The following C1QTNF9 variants were observed in gnomAD, a reference collection of about 807,000 sequenced individuals.
C1QTNF9 encodes the protein C1q and TNF related 9.
A neutral mutation model predicts 10.1 loss-of-function variants in C1QTNF9; 6 were observed. The ratio of observed to expected loss-of-function variants is 0.59; its 90% CI spans 0.32 to 1.17. The LOEUF (loss-of-function observed/expected upper bound fraction) is 1.17. C1QTNF9 is among the 50% of genes most tolerant of loss of function. C1QTNF9 has a pLI of 0.04. For missense variants in C1QTNF9, 201 were observed against 418.8 expected, an observed-to-expected ratio of 0.48 and a Z score of 4.54; for synonymous variants, 98 against 163.5, an observed-to-expected ratio of 0.60 and a Z score of 3.06.
At chr13:24,315,749 T>C in intron 1 of C1QTNF9, 1 of 529,676 alleles carries the variant, frequency 1.9e-6, no homozygotes, top group Non-Finnish European at 3.3e-6. Flanking sequence ...GCTTTTTAAA[T>C]TGCCCGTTCA....
chr13:24,310,641 C>T (rs1034447672), intron 1 of C1QTNF9, among the ~76,000 whole-genome samples: 29 of 151,558 alleles, frequency 1.9e-4, no homozygotes, highest in African/African-American at 5.8e-4. Flanking sequence ...AGGCTGGGCG[C>T]GGTGGCTCAC....
exon 4 of C1QTNF9, chr13:24,321,524 A>G (rs745832521): frequency 1.4e-5 from 22 of 1,612,854 alleles, no homozygotes; most frequent in South Asian, 2.2e-5. Flanking sequence ...TACTTCACCT[A>G]CCACATCACT....
upstream of C1QTNF9, among the ~76,000 whole-genome samples, chr13:24,308,011 C>T (rs1490218203): frequency 6.6e-6 from 1 of 152,224 alleles, no homozygotes; most frequent in Non-Finnish European, 1.5e-5. Context: ...GGAGGAAGAA[C>T]CCACGGAGTG....
At position 24,310,729 on chromosome 13, in the gene C1QTNF9, A is replaced by C. The variant is rs1477183703; in HGVS notation, c.-23+1113A>C. On this transcript the variant is annotated intron_variant, in intron 1 of 3. Transcript: ENST00000332018. ...GAGATCAAGACCATCCTGGCTAACA[A>C]GGTGAAACCCCGTCTCTACTAAAAA... Among the ~76,000 whole-genome samples the C allele has an allele frequency of 3.3e-5, 5 of 151,198 alleles. No homozygotes were observed. The South Asian group carries it at 8.4e-4, about 25-fold the overall frequency.
intron 2 of C1QTNF9, among the ~76,000 whole-genome samples, 195 bp from the exon 3 acceptor site, chr13:24,318,623 A>G (rs1440939629): frequency 1.3e-5 from 2 of 152,154 alleles, no homozygotes; most frequent in Non-Finnish European, 2.9e-5. Flanking sequence ...TAGGTCACTT[A>G]TCCCACGCAG....
intron 1 of C1QTNF9, among the ~76,000 whole-genome samples, chr13:24,314,378 GAAA>G (rs758750643): frequency 1.6e-5 from 2 of 122,012 alleles, no homozygotes; most frequent in Admixed American, 8.4e-5. Flanking sequence ...TCTCTCCAAA[GAAA>G]AAAAAAAAAA....
At chr13:24,310,653 C>A (rs1024726394) in intron 1 of C1QTNF9, among the ~76,000 whole-genome samples, 5 of 151,540 alleles carry the variant, frequency 3.3e-5, no homozygotes, top group African/African-American at 1.2e-4. Flanking sequence ...GTGGCTCACA[C>A]CTGTAATCCC....
At chr13:24,320,716 T>C (rs1359324709) in intron 3 of C1QTNF9, among the ~76,000 whole-genome samples, 1 of 151,816 alleles carries the variant, frequency 6.6e-6, no homozygotes, top group Non-Finnish European at 1.5e-5. Context: ...CTTATTTTTC[T>C]TTTTCTTTTT....
chr13:24,320,560 T>C (rs1391991242), intron 3 of C1QTNF9, among the ~76,000 whole-genome samples: 4 of 151,050 alleles, frequency 2.6e-5, no homozygotes, highest in Non-Finnish European at 4.4e-5. Flanking sequence ...AATTTTTGTA[T>C]TTTTTGCAGA....
exon 2 of C1QTNF9, chr13:24,316,152 G>A (rs763010381): frequency 3.7e-6 from 6 of 1,605,488 alleles, no homozygotes; most frequent in Non-Finnish European, 5.1e-6. Context: ...GGAGCGAAGG[G>A]TGACAAAGGC....
chr13:24,319,964 T>C (rs368276714), intron 3 of C1QTNF9, among the ~76,000 whole-genome samples: 33 of 152,320 alleles, frequency 2.2e-4, no homozygotes, highest in African/African-American at 3.6e-4. Flanking sequence ...AAACCTGGCA[T>C]TTAACCTCAG....
intron 2 of C1QTNF9, among the ~76,000 whole-genome samples, chr13:24,318,498 A>G (rs1878124574): frequency 6.7e-6 from 1 of 149,662 alleles, no homozygotes; most frequent in South Asian, 2.2e-4. Context: ...GCAGGAGAGG[A>G]ACACAATCGT....
At chr13:24,314,716 T>C (rs1406287164) in intron 1 of C1QTNF9, among the ~76,000 whole-genome samples, 2 of 151,966 alleles carry the variant, frequency 1.3e-5, no homozygotes, top group Non-Finnish European at 2.9e-5. Context: ...TGGTGGTGCA[T>C]GCCTGTAGTC....
upstream of C1QTNF9, among the ~76,000 whole-genome samples, chr13:24,309,395 A>G (rs1877729422): frequency 6.6e-6 from 1 of 151,182 alleles, no homozygotes; most frequent in Non-Finnish European, 1.5e-5. Flanking sequence ...AACTTTTCTA[A>G]ACTAAGTGGT....
upstream of C1QTNF9, among the ~76,000 whole-genome samples, chr13:24,309,283 T>TTATTTATATATATATATATATA (rs1555279694): frequency 1.5e-5 from 1 of 68,266 alleles, no homozygotes; most frequent in Non-Finnish European, 3.4e-5. Context: ...ACTTAAAGTA[T>TTATTTATATATATATATATATA]TATATATATA....
At chr13:24,320,541 CG>C (rs1417311982) in intron 3 of C1QTNF9, among the ~76,000 whole-genome samples, 3 of 152,022 alleles carry the variant, frequency 2.0e-5, no homozygotes, top group Non-Finnish European at 4.4e-5. Context: ...TGCACCACCG[CG>C]CCTGGCTAAT....
intron 1 of C1QTNF9, among the ~76,000 whole-genome samples, chr13:24,314,905 G>A (rs1034584871): frequency 2.3e-5 from 3 of 130,516 alleles, no homozygotes; most frequent in Admixed American, 7.5e-5. Flanking sequence ...TGATGTTTCC[G>A]TGTGTGTGGC....
intron 1 of C1QTNF9, among the ~76,000 whole-genome samples, chr13:24,312,887 A>G (rs561286323): frequency 6.1e-4 from 92 of 151,024 alleles, no homozygotes; most frequent in East Asian, 7.9e-4. Flanking sequence ...CCCGGGAGGC[A>G]GAGCTTGCAG....
At chr13:24,313,544 G>A (rs1299784773) in intron 1 of C1QTNF9, among the ~76,000 whole-genome samples, 1 of 152,204 alleles carries the variant, frequency 6.6e-6, no homozygotes, top group Non-Finnish European at 1.5e-5. Flanking sequence ...TTGGCTCCAA[G>A]AAAACTCAAC....
Sources: allele counts gnomAD v4.1 joint callset (sites outside exome capture counted in the v4.1 genomes callset), GRCh38; gene constraint gnomAD v4.1.1; transcripts MANE v1.5; gene names NCBI Gene and HGNC (gene_info 2026-07-23, HGNC 2026-07-21).